Variants in PREX2 observed in about 807,000 individuals in gnomAD.
The protein encoded by PREX2 is phosphatidylinositol-3,4,5-trisphosphate dependent Rac exchange factor 2.
A neutral mutation model predicts 203.2 loss-of-function variants in PREX2; 107 were observed. The ratio of observed to expected loss-of-function variants is 0.53; its 90% CI spans 0.45 to 0.62. The LOEUF is 0.62. PREX2 is among the 20% of genes least tolerant of loss of function. PREX2 has a pLI of 0.00. For missense variants in PREX2, 1,777 were observed against 1,955.9 expected (o/e 0.91, Z 1.72); for synonymous variants, 672 against 663.6 (o/e 1.01, Z -0.19).
chr8:68,106,319 C>G (rs1391019503), intron 23 of PREX2: 1 of 514,994 alleles, frequency 1.9e-6, no homozygotes, highest in South Asian at 1.4e-5. Flanking sequence ...GCCTTAAACT[C>G]TATGTCCCAT....
rs779079528 is a variant in PREX2, at chr8:68,080,494, C to T, written c.1694C>T (p.Ser565Leu). Residue 565 changes from serine to leucine, a missense_variant, in exon 16 of 40, where the codon TCG becomes TTG. Ser to Leu is a moderately radical substitution (Grantham distance 145). Coordinates refer to ENST00000288368, the MANE Select transcript of PREX2 (RefSeq NM_024870.4). ...GAACCCCTACTTTTCCGTTTTTTTT[C>T]GGATGAGGAAATGGAGGGATCAAAT... is the stretch of plus-strand genomic sequence containing the variant. The part of the protein sequence containing the change: ...KDEPLLFRFF[S>L]DEEMEGSNMK... 1.0e-5 allele frequency: 16 copies of T among 1,597,670 alleles called. No individual in the cohort carries two copies. Among genetic ancestry groups the T allele is most frequent in the African/African-American group, 6.8e-5 (5 of 73,926 alleles).
chr8:68,150,056 A>C (rs964684995), intron 34 of PREX2, among the ~76,000 whole-genome samples: 1 of 152,192 alleles, frequency 6.6e-6, no homozygotes, highest in African/African-American at 2.4e-5. Context: ...TTTCTCCAGC[A>C]AAGGCTGGAG....
At chr8:67,990,358 C>G (rs933697817) in intron 1 of PREX2, among the ~76,000 whole-genome samples, 1 of 151,182 alleles carries the variant, frequency 6.6e-6, no homozygotes, top group African/African-American at 2.4e-5. Flanking sequence ...CAGTGGCTCT[C>G]AAGCCTGTCT....
At chr8:68,119,302 A>G in intron 27 of PREX2, 130 bp from the exon 28 acceptor site, 1 of 617,702 alleles carries the variant, frequency 1.6e-6, no homozygotes, top group Admixed American at 2.6e-5. Flanking sequence ...TTCTCTGAAC[A>G]TGAGAACTGT....
chr8:68,021,900 A>G lies in PREX2; in HGVS notation c.337-136A>G. 7.4e-6 allele frequency: 4 copies of G among 542,382 alleles called. No individual in the cohort carries two copies. In the South Asian group the frequency reaches 9.6e-5, roughly 13 times the overall value. 33.6% of individuals were successfully genotyped at this position (542,382 alleles called of 1,614,324 possible). A position where few individuals can be genotyped will look rare whatever the true frequency, so the allele number is the denominator to read the frequency against. ...GGGCCAGGGAAAATAAACAAAATTT[A>G]TATATAGCTGTATACACGCAGTATA... On this transcript the variant is annotated intron_variant, in intron 3 of 39. Coordinates refer to ENST00000288368, the MANE Select transcript of PREX2 (RefSeq NM_024870.4).
intron 25 of PREX2, among the ~76,000 whole-genome samples, chr8:68,115,178 C>T (rs1313812676): frequency 1.3e-5 from 2 of 151,984 alleles, no homozygotes; most frequent in Admixed American, 6.6e-5. Context: ...CAAGCATGCG[C>T]CACCACGCCC....
At chr8:67,965,413 A>G (rs1013305623) in intron 1 of PREX2, among the ~76,000 whole-genome samples, 2 of 152,086 alleles carry the variant, frequency 1.3e-5, no homozygotes, top group Non-Finnish European at 2.9e-5. Context: ...TTTATCCTAT[A>G]TATGATCAAA....
At chr8:68,052,604 C>T (rs1419489911) in intron 8 of PREX2, among the ~76,000 whole-genome samples, 1 of 152,068 alleles carries the variant, frequency 6.6e-6, no homozygotes, top group African/African-American at 2.4e-5. Context: ...TAGGTAATTG[C>T]ACTCTTTGTG....
rs550959561 is a variant in PREX2 at position 68,138,297 on chromosome 8, G to C, written c.3985-118G>C. On this transcript the variant is annotated intron_variant, in intron 32 of 39. Transcript: ENST00000288368. ...ACAGAAGTCTTTATAATTTTGTTTT[G>C]TACCTGTATATAAATAAAACACAGC... The C allele has an allele frequency of 1.0e-4, 45 of 441,750 alleles. No homozygotes were observed. The Admixed American group carries it at 1.4e-3, about 14-fold the overall frequency. 27.4% of individuals were successfully genotyped at this position (441,750 alleles called of 1,614,324 possible).
intron 35 of PREX2, among the ~76,000 whole-genome samples, chr8:68,174,965 A>G (rs1346751521): frequency 6.6e-6 from 1 of 152,242 alleles, no homozygotes; most frequent in African/African-American, 2.4e-5. Context: ...AGGAATGTGC[A>G]CAGCACTGAG....
rs1585646852 is a variant in PREX2 at position 67,952,218 on chromosome 8, C to G, written c.-177C>G. 6.3e-6 allele frequency: 3 copies of G among 478,504 alleles called. No individual in the cohort carries two copies. The highest frequency in any genetic ancestry group is 3.3e-6 in the Non-Finnish European group (1 of 306,356). 29.6% of individuals were successfully genotyped at this position (478,504 alleles called of 1,614,324 possible). ...CGCCCCCCGCGCCGGGATTTCAGCCCGATCCCCTCCTCTCCCTGCGCCCAG... is the reference window on the plus strand; with the variant it reads ...CGCCCCCCGCGCCGGGATTTCAGCCGGATCCCCTCCTCTCCCTGCGCCCAG... On this transcript the variant is annotated 5_prime_UTR_variant, in exon 1 of 40. Coordinates refer to ENST00000288368, the MANE Select transcript of PREX2 (RefSeq NM_024870.4).
intron 1 of PREX2, among the ~76,000 whole-genome samples, chr8:67,992,127 A>G (rs1300472174): frequency 6.6e-6 from 1 of 152,126 alleles, no homozygotes; most frequent in African/African-American, 2.4e-5. Context: ...GTTGGCCTAC[A>G]CTTGCTCTTT....
intron 33 of PREX2, 48 bp downstream of exon 33, chr8:68,138,565 AT>A (rs773711868): frequency 2.3e-6 from 2 of 869,058 alleles, no homozygotes; most frequent in Non-Finnish European, 3.7e-6. Flanking sequence ...AAATAATTAT[AT>A]ATGATATAAC....
intron 20 of PREX2, among the ~76,000 whole-genome samples, chr8:68,092,675 C>T (rs1306835539): frequency 6.6e-6 from 1 of 152,068 alleles, no homozygotes; most frequent in African/African-American, 2.4e-5. Flanking sequence ...TGAATGATGT[C>T]CTTCCAATTT....
chr8:68,220,215 T>A, intron 38 of PREX2: 1 of 152,124 alleles, frequency 6.6e-6, no homozygotes, highest in South Asian at 2.1e-4. Flanking sequence ...TTATTTTAAT[T>A]CACTGCTTGA....
chr8:68,121,342 A>G (rs1008621343), intron 30 of PREX2, among the ~76,000 whole-genome samples: 1 of 152,094 alleles, frequency 6.6e-6, no homozygotes, highest in Non-Finnish European at 1.5e-5. Context: ...ATAAAAGGAG[A>G]CAATATCATA....
chr8:68,142,462 G>A (rs1056751860), intron 33 of PREX2, among the ~76,000 whole-genome samples: 2 of 152,126 alleles, frequency 1.3e-5, no homozygotes, highest in African/African-American at 4.8e-5. Context: ...TCTTTTCATG[G>A]CTTGATAGTT....
At chr8:68,086,097 A>ACTATGTGTT (rs1427930696) in intron 18 of PREX2, among the ~76,000 whole-genome samples, 1 of 152,224 alleles carries the variant, frequency 6.6e-6, no homozygotes, top group Non-Finnish European at 1.5e-5. Flanking sequence ...TTCAAAGGAA[A>ACTATGTGTT]TGAATACAGC....
chr8:68,159,288 C>T (rs1489940496), intron 35 of PREX2, among the ~76,000 whole-genome samples: 1 of 152,040 alleles, frequency 6.6e-6, no homozygotes, highest in Non-Finnish European at 1.5e-5. Flanking sequence ...CCATTTTTAC[C>T]AAAGACAAAT....
Sources: allele counts gnomAD v4.1 joint callset (sites outside exome capture counted in the v4.1 genomes callset), GRCh38; gene constraint gnomAD v4.1.1; transcripts MANE v1.5; gene names NCBI Gene and HGNC (gene_info 2026-07-23, HGNC 2026-07-21).